Variants in CATSPERE observed in about 807,000 individuals in gnomAD.
CATSPERE encodes catsper channel auxiliary subunit epsilon.
CATSPERE carries 93 observed loss-of-function variants against 114.1 expected under a neutral mutation model. The ratio of observed to expected loss-of-function variants is 0.81; its 90% CI spans 0.69 to 0.97. The LOEUF is 0.97. Among genes scored for constraint, CATSPERE ranks in the 50% least tolerant of loss-of-function variants. The probability of loss-of-function intolerance (pLI) is 0.00; values close to 1 mark genes in which losing one functional copy is unlikely to be tolerated. For missense variants in CATSPERE, 1,058 were observed against 1,131.6 expected (o/e 0.93, Z 0.93); for synonymous variants, 341 against 384.1 (o/e 0.89, Z 1.31).
intron 2 of CATSPERE, among the ~76,000 whole-genome samples, chr1:244,464,407 C>T (rs2148074956): frequency 6.6e-6 from 1 of 152,260 alleles, no homozygotes; most frequent in South Asian, 2.1e-4. Flanking sequence ...TGGTGTAAAT[C>T]AATTATATTT....
intron 8 of CATSPERE, among the ~76,000 whole-genome samples, chr1:244,540,227 T>C (rs1266940978): frequency 6.6e-6 from 1 of 151,270 alleles, no homozygotes; most frequent in African/African-American, 2.4e-5. Context: ...TGTCCCTGTT[T>C]GCAGACGACA....
intron 5 of CATSPERE, among the ~76,000 whole-genome samples, chr1:244,485,662 C>T (rs1053078288): frequency 2.7e-5 from 4 of 149,832 alleles, no homozygotes; most frequent in Non-Finnish European, 4.4e-5. Flanking sequence ...ATTCAGTTCA[C>T]TAATTATCTC....
intron 2 of CATSPERE, among the ~76,000 whole-genome samples, chr1:244,470,537 A>G (rs1668310491): frequency 6.6e-6 from 1 of 152,096 alleles, no homozygotes; most frequent in Non-Finnish European, 1.5e-5. Flanking sequence ...GGATGTAGAG[A>G]AATGGGAACT....
chr1:244,591,943 T>C (rs1667771986), intron 15 of CATSPERE, among the ~76,000 whole-genome samples: 1 of 152,226 alleles, frequency 6.6e-6, no homozygotes. Context: ...TTTAATTGGA[T>C]AAGCAAAGCA....
intron 8 of CATSPERE, among the ~76,000 whole-genome samples, chr1:244,542,881 A>G (rs568464187): frequency 1.3e-5 from 2 of 152,344 alleles, no homozygotes; most frequent in Admixed American, 6.5e-5. Context: ...ATCTCTAATC[A>G]TTAGGGAAAT....
intron 20 of CATSPERE, among the ~76,000 whole-genome samples, chr1:244,632,735 G>A (rs1180061250): frequency 6.6e-6 from 1 of 151,804 alleles, no homozygotes; most frequent in African/African-American, 2.4e-5. Flanking sequence ...AAGAAAAGGA[G>A]AAAGGAACAA....
In CATSPERE at chr1:244,588,548, C is replaced by T. The variant is rs1667320856; in HGVS notation, c.2138+14C>T. On this transcript the variant is annotated intron_variant, in intron 14 of 21. Transcript: ENST00000366534. The stretch of plus-strand genomic sequence containing the variant: ...TGCAATTAAAGGGTAAGTATATTTC[C>T]ATTTGACCTGTGTTACTCTTTAAGT... 1.3e-6 allele frequency: 2 copies of T among 1,585,840 alleles called. No homozygotes were observed. Among genetic ancestry groups the T allele is most frequent in the Non-Finnish European group, 1.7e-6 (2 of 1,154,514 alleles).
At chr1:244,468,933 G>A (rs1226483485) in intron 2 of CATSPERE, among the ~76,000 whole-genome samples, 3 of 151,994 alleles carry the variant, frequency 2.0e-5, no homozygotes, top group African/African-American at 7.2e-5. Flanking sequence ...GAGAGAGAAA[G>A]GAAATATTGA....
rs1329372323 is a variant in CATSPERE, at chr1:244,568,851, C to T, written c.1508-3479C>T. ...CAGCCCCCTTTCCAGCGGAGTGAAT[C>T]GTTCTCTCTCACTGGTGTTCCTGGC... On this transcript the variant is annotated intron_variant, in intron 10 of 21. Transcript: ENST00000366534. This position sits in a 1 kb window ranked among gnomAD's most constrained non-coding sequence, Gnocchi z 4.4. Among the ~76,000 whole-genome samples the T allele has an allele frequency of 5.9e-5, 9 of 152,126 alleles. No homozygotes were observed. Among genetic ancestry groups the T allele is most frequent in the East Asian group, 5.8e-4 (3 of 5,184 alleles).
At chr1:244,462,320 C>G (rs1163399415) in intron 1 of CATSPERE, among the ~76,000 whole-genome samples, 2 of 152,114 alleles carry the variant, frequency 1.3e-5, no homozygotes, top group Non-Finnish European at 2.9e-5. Context: ...AAATATAAGA[C>G]ATAATTAATA....
At position 244,607,841 on chromosome 1, in the gene CATSPERE, C is replaced by T. The variant is rs897739957; in HGVS notation, c.2403+2047C>T. Among the ~76,000 whole-genome samples the T allele has an allele frequency of 9.2e-5, 14 of 152,180 alleles. No individual in the cohort carries two copies. The highest frequency in any genetic ancestry group is 4.1e-4 in the South Asian group (2 of 4,830). On this transcript the variant is annotated intron_variant, in intron 18 of 21. Transcript: ENST00000366534. The surrounding 1 kb of genome is among the most constrained non-coding windows in gnomAD (Gnocchi z 4.4). Reference sequence around the variant, plus strand: ...AAGAATTAAACTTGTTGGCTAGGCACGGTGGCTCATGCCTATAATCCCAGC... The same window carrying T: ...AAGAATTAAACTTGTTGGCTAGGCATGGTGGCTCATGCCTATAATCCCAGC...
At chr1:244,639,472 T>C (rs1675062498) in intron 21 of CATSPERE, among the ~76,000 whole-genome samples, 1 of 152,128 alleles carries the variant, frequency 6.6e-6, no homozygotes, top group Non-Finnish European at 1.5e-5. Flanking sequence ...GGCAAATCAC[T>C]TGAGGTCAGG....
upstream of CATSPERE, chr1:244,451,558 C>G: frequency 4.1e-6 from 6 of 1,470,846 alleles, no homozygotes; most frequent in Non-Finnish European, 4.5e-6. This position sits in a 1 kb window ranked among gnomAD's most constrained non-coding sequence, Gnocchi z 6.6. Flanking sequence ...GGTTCTGGGT[C>G]CGAGTTCCCG....
At chr1:244,488,947 T>C (rs1472336424) in intron 5 of CATSPERE, among the ~76,000 whole-genome samples, 3 of 152,192 alleles carry the variant, frequency 2.0e-5, no homozygotes, top group Non-Finnish European at 4.4e-5. Context: ...CAAAACATTT[T>C]CATTTTGTTT....
intron 19 of CATSPERE, among the ~76,000 whole-genome samples, chr1:244,614,152 G>C (rs555337353): frequency 1.3e-5 from 2 of 152,112 alleles, no homozygotes; most frequent in Non-Finnish European, 2.9e-5. Context: ...CTCCATTTCA[G>C]GTGTTCTGTT....
chr1:244,490,614 C>A, intron 6 of CATSPERE, 143 bp downstream of exon 6: 2 of 532,386 alleles, frequency 3.8e-6, no homozygotes, highest in Non-Finnish European at 3.3e-6. Context: ...TCTATAAGAC[C>A]CATTCAGGAG....
intron 7 of CATSPERE, among the ~76,000 whole-genome samples, chr1:244,514,551 C>CG (rs1558406012): frequency 2.6e-5 from 4 of 151,948 alleles, no homozygotes; most frequent in Non-Finnish European, 5.9e-5. Context: ...GTGTCTGGGC[C>CG]GGGCGCGGTG....
intron 11 of CATSPERE, among the ~76,000 whole-genome samples, chr1:244,574,423 G>T (rs1310565169): frequency 1.3e-5 from 2 of 152,088 alleles, no homozygotes. Flanking sequence ...GTCTTTAAAA[G>T]AAACTATTAT....
chr1:244,553,642 C>CACACACACAT (rs1228966092), intron 9 of CATSPERE, among the ~76,000 whole-genome samples: 22 of 130,486 alleles, frequency 1.7e-4, no homozygotes, highest in Admixed American at 2.9e-4. Context: ...CACACACACA[C>CACACACACAT]ACATACATAT....
Sources: gnomAD v4.1 joint callset for allele counts (sites outside exome capture counted in the v4.1 genomes callset) on GRCh38, gnomAD v4.1.1 for gene constraint, Gnocchi (gnomAD v3.1) non-coding constraint, MANE v1.5 for transcripts, NCBI Gene and HGNC (gene_info 2026-07-23, HGNC 2026-07-21) for gene names.